Variants in MIA2 observed in about 807,000 individuals in gnomAD.
The protein encoded by MIA2 is melanoma inhibitory activity protein 2.
In MIA2, 127 loss-of-function variants were observed where a neutral mutation model predicts 167.8. The observed-to-expected ratio is 0.76, with a 90% confidence interval of 0.66 to 0.88. The LOEUF (loss-of-function observed/expected upper bound fraction) is 0.88, where lower values mean the gene tolerates loss of function less well. MIA2 is among the 40% of genes least tolerant of loss of function. The pLI is 0.00. For synonymous variants in MIA2, 552 were observed against 541.9 expected, an observed-to-expected ratio of 1.02 and a Z score of -0.26; for missense variants, 1,690 against 1,624.7, an observed-to-expected ratio of 1.04 and a Z score of -0.69.
At position 39,350,082 on chromosome 14, in the gene MIA2, C is replaced by T. The variant is rs923028015; in HGVS notation, c.4073-16C>T. On this transcript the variant is annotated splice_polypyrimidine_tract_variant and intron_variant, in intron 28 of 28. Transcript: ENST00000640607. The stretch of plus-strand genomic sequence containing the variant: ...CTTAAAGTTAAAAAATGTCTTTTAC[C>T]AATCTCTTTGAACAGTGAGAAATGT... 3 of 1,094,154 alleles carry T rather than the reference C, an allele frequency of 2.7e-6. No individual in the cohort carries two copies. The highest frequency in any genetic ancestry group is 4.0e-6 in the Non-Finnish European group (3 of 759,066). The allele number at this position is 1,094,154 out of a possible 1,614,324, so 67.8% of individuals were successfully genotyped here. A position where few individuals can be genotyped will look rare whatever the true frequency, so the allele number is the denominator to read the frequency against.
intron 20 of MIA2, chr14:39,315,111 T>G: frequency 1.8e-5 from 3 of 168,302 alleles, no homozygotes; most frequent in East Asian, 1.3e-4. Context: ...GGCAAAACCC[T>G]GTCTCTACTA....
chr14:39,325,154 C>A (rs1304866380), intron 24 of MIA2, among the ~76,000 whole-genome samples: 16 of 151,662 alleles, frequency 1.1e-4, no homozygotes, highest in African/African-American at 3.6e-4. Context: ...GCCTAGGAGG[C>A]GGAGGTTGCA....
intron 21 of MIA2, among the ~76,000 whole-genome samples, chr14:39,316,905 T>C (rs1455512311): frequency 6.6e-6 from 1 of 152,048 alleles, no homozygotes; most frequent in African/African-American, 2.4e-5. Context: ...CTTGTAAAGA[T>C]TAGAATGAAA....
chr14:39,340,310 A>T (rs1465992337), intron 25 of MIA2, among the ~76,000 whole-genome samples: 1 of 152,216 alleles, frequency 6.6e-6, no homozygotes, highest in Non-Finnish European at 1.5e-5. Context: ...TGGTGGTGTA[A>T]TCATGAGTTA....
chr14:39,278,809 T>C (rs1465970483), intron 7 of MIA2, among the ~76,000 whole-genome samples: 5 of 152,210 alleles, frequency 3.3e-5, no homozygotes, highest in Non-Finnish European at 4.4e-5. Context: ...AGTAAAGTTA[T>C]TTCAGAGTCT....
chr14:39,384,550 A>G (rs1465283264), intron 23 of MIA2, among the ~76,000 whole-genome samples: 3 of 152,186 alleles, frequency 2.0e-5, no homozygotes, highest in Admixed American at 6.5e-5. Context: ...AAACGTGTAC[A>G]GCTGAAGGAG....
chr14:39,377,608 G>A (rs1479092617), intron 23 of MIA2, among the ~76,000 whole-genome samples: 1 of 152,108 alleles, frequency 6.6e-6, no homozygotes, highest in Non-Finnish European at 1.5e-5. Context: ...AATTTAATTT[G>A]AACAGGATTT....
intron 24 of MIA2, among the ~76,000 whole-genome samples, chr14:39,322,605 TA>T (rs2066675317): frequency 7.3e-6 from 1 of 137,200 alleles, no homozygotes; most frequent in African/African-American, 2.5e-5. Context: ...TACCCCCTTA[TA>T]GGTACCTCAG....
intron 4 of MIA2, among the ~76,000 whole-genome samples, chr14:39,248,886 T>C (rs1444076488): frequency 2.0e-5 from 3 of 151,964 alleles, no homozygotes; most frequent in Non-Finnish European, 4.4e-5. Flanking sequence ...ACTATGGCCA[T>C]GTGCCAACAC....
chr14:39,362,427 GT>G (rs2074703901), intron 23 of MIA2, among the ~76,000 whole-genome samples: 1 of 152,042 alleles, frequency 6.6e-6, no homozygotes, highest in Admixed American at 6.6e-5. Context: ...GATTGTATTT[GT>G]CTAGGAATTT....
chr14:39,287,464 CTGA>C (rs1160726372), intron 9 of MIA2, among the ~76,000 whole-genome samples: 1 of 152,088 alleles, frequency 6.6e-6, no homozygotes, highest in African/African-American at 2.4e-5. Flanking sequence ...TTTCTCCCCA[CTGA>C]TGATGATATT....
At chr14:39,261,087 CCATTAACTTGT>C (rs1367984929) in intron 6 of MIA2, among the ~76,000 whole-genome samples, 3 of 151,830 alleles carry the variant, frequency 2.0e-5, no homozygotes, top group African/African-American at 4.8e-5. Context: ...TGTGCTGCAC[CCATTAACTTGT>C]CATTTACATT....
intron 15 of MIA2, among the ~76,000 whole-genome samples, chr14:39,302,500 A>G (rs530344957): frequency 6.6e-6 from 1 of 152,222 alleles, no homozygotes; most frequent in Admixed American, 6.5e-5. Context: ...TGTATTATAC[A>G]TATCTTTATT....
At chr14:39,373,265 A>G (rs2074983177) in intron 23 of MIA2, among the ~76,000 whole-genome samples, 1 of 151,580 alleles carries the variant, frequency 6.6e-6, no homozygotes, top group Non-Finnish European at 1.5e-5. Flanking sequence ...CAATGTAAAT[A>G]CATACTGGCT....
intron 14 of MIA2, 113 bp from the exon 15 acceptor site, chr14:39,302,016 G>T: frequency 1.7e-6 from 2 of 1,175,864 alleles, no homozygotes. Flanking sequence ...AAGAGCTCTT[G>T]TGTTGTTATT....
At position 39,337,582 on chromosome 14, in the gene MIA2, G is replaced by C. The variant is rs181836293; in HGVS notation, c.3656-8322G>C. Among the ~76,000 whole-genome samples the C allele has an allele frequency of 8.5e-5, 13 of 152,252 alleles. No individual in the cohort carries two copies. The East Asian group carries it at 2.5e-3, about 29-fold the overall frequency. ...TTTAAAAGAAGTGAAATAATATACA[G>C]TATGTTCTTTGATCACAATGGAATC... is the stretch of plus-strand genomic sequence containing the variant. On this transcript the variant is annotated intron_variant, in intron 25 of 28. Transcript: ENST00000640607.
intron 6 of MIA2, chr14:39,269,155 T>A: frequency 1.4e-6 from 1 of 704,438 alleles, no homozygotes; most frequent in Non-Finnish European, 1.7e-6. Flanking sequence ...TGTTCCGCTT[T>A]AAATTTTTTT....
chr14:39,348,618 C>G, intron 27 of MIA2, 125 bp from the exon 28 acceptor site: 1 of 1,360,224 alleles, frequency 7.4e-7, no homozygotes, highest in Non-Finnish European at 1.0e-6. Context: ...GAATCTTTCT[C>G]TAGAGCTTTC....
intron 6 of MIA2, chr14:39,276,430 T>C (rs975487730): frequency 2.6e-5 from 4 of 153,616 alleles, no homozygotes; most frequent in African/African-American, 9.6e-5. Flanking sequence ...AGATTCAAAC[T>C]CCAAACCCAA....
Sources: gnomAD v4.1 joint callset for allele counts (sites outside exome capture counted in the v4.1 genomes callset) on GRCh38, gnomAD v4.1.1 for gene constraint, MANE v1.5 for transcripts, NCBI Gene and HGNC (gene_info 2026-07-23, HGNC 2026-07-21) for gene names.